ATXN7: variants seen among roughly 807,000 people sequenced by gnomAD.
ATXN7 encodes ataxin-7.
ATXN7 carries 12 observed loss-of-function variants against 70.5 expected under a neutral mutation model. That is an observed-to-expected ratio of 0.17 (90% CI 0.11 to 0.28). ATXN7 has a LOEUF of 0.28. Among genes scored for constraint, ATXN7 ranks in the 10% least tolerant of loss-of-function variants. The pLI is 1.00. For synonymous variants in ATXN7, 498 were observed against 448.7 expected, an observed-to-expected ratio of 1.11 and a Z score of -1.39; for missense variants, 1,256 against 1,131.7, an observed-to-expected ratio of 1.11 and a Z score of -1.58.
intron 4 of ATXN7, among the ~76,000 whole-genome samples, chr3:63,944,053 T>G (rs2074815025): frequency 6.6e-6 from 1 of 152,160 alleles, no homozygotes; most frequent in Admixed American, 6.5e-5. Flanking sequence ...CTCCCTTGCA[T>G]GGCCTTCAGG....
intron 4 of ATXN7, among the ~76,000 whole-genome samples, chr3:63,934,849 TA>T (rs2074628361): frequency 6.6e-6 from 1 of 152,244 alleles, no homozygotes. Context: ...TGGGCTCAGA[TA>T]ATTCTTTATT....
At chr3:63,909,312 TC>T (rs1249498346) in intron 2 of ATXN7, among the ~76,000 whole-genome samples, 1 of 152,144 alleles carries the variant, frequency 6.6e-6, no homozygotes, top group Non-Finnish European at 1.5e-5. Context: ...ATGCCTATAA[TC>T]CCAACACTTT....
chr3:63,924,007 C>G (rs1427342119), intron 4 of ATXN7, among the ~76,000 whole-genome samples: 1 of 152,132 alleles, frequency 6.6e-6, no homozygotes, highest in Non-Finnish European at 1.5e-5. Flanking sequence ...GTTAAGATCA[C>G]TGGCTAATAT....
At chr3:63,990,679 C>G in intron 10 of ATXN7, 59 bp from the exon 11 acceptor site, 9 of 1,612,990 alleles carry the variant, frequency 5.6e-6, no homozygotes, top group Non-Finnish European at 7.6e-6. Context: ...GATCTAGAAC[C>G]CTGACTGGGC....
At chr3:63,910,815 C>A (rs1703986418) in intron 2 of ATXN7, among the ~76,000 whole-genome samples, 1 of 151,948 alleles carries the variant, frequency 6.6e-6, no homozygotes, top group Non-Finnish European at 1.5e-5. Context: ...CTAAATCTTT[C>A]TAAAATAAAA....
intron 4 of ATXN7, among the ~76,000 whole-genome samples, chr3:63,925,337 C>T (rs960282799): frequency 4.6e-5 from 7 of 152,072 alleles, no homozygotes; most frequent in East Asian, 3.9e-4. Context: ...GATCAGTACC[C>T]GCCTATGGCC....
intron 1 of ATXN7, among the ~76,000 whole-genome samples, chr3:63,896,615 G>A (rs1308962954): frequency 6.6e-6 from 1 of 152,124 alleles, no homozygotes; most frequent in Admixed American, 6.5e-5. Context: ...TGAACACAGG[G>A]TTATTGGAAG....
At chr3:63,909,290 G>C (rs757849779) in intron 2 of ATXN7, among the ~76,000 whole-genome samples, 38 of 152,310 alleles carry the variant, frequency 2.5e-4, no homozygotes, top group Middle Eastern at 3.4e-3. Context: ...TATTGGCCTG[G>C]TGTGGTGGCT....
Position 63,944,753 on chromosome 3 carries a change from G to GT in ATXN7, c.395-7617dup, listed in dbSNP as rs201149195. 1.7e-3 allele frequency among the ~76,000 whole-genome samples: 263 copies of GT among 150,936 alleles called. 1 individual carries two copies. Among genetic ancestry groups the GT allele is most frequent in the African/African-American group, 5.2e-3 (215 of 41,130 alleles). ...AATGTGGATCAATTTTGTGAGTTAT[G>GT]TTTTTTTTTGTTTTTTGTTAGTTTT... On this transcript the variant is annotated intron_variant, in intron 4 of 12. Transcript: ENST00000674280.
intron 9 of ATXN7, 134 bp downstream of exon 9, chr3:63,988,458 A>C: frequency 8.0e-7 from 1 of 1,252,954 alleles, no homozygotes; most frequent in Non-Finnish European, 1.1e-6. Flanking sequence ...AAGGAGTTTT[A>C]CTATGAAAAA....
intron 1 of ATXN7, among the ~76,000 whole-genome samples, chr3:63,869,216 T>G (rs953043361): frequency 6.6e-6 from 1 of 152,232 alleles, no homozygotes; most frequent in Non-Finnish European, 1.5e-5. Context: ...ATGGCCTTGA[T>G]TCTCATTTCC....
chr3:63,976,500 T>C (rs754167468), intron 5 of ATXN7, among the ~76,000 whole-genome samples: 1 of 152,222 alleles, frequency 6.6e-6, no homozygotes, highest in Non-Finnish European at 1.5e-5. Context: ...TAGTTTTTAT[T>C]GTTATTGAAG....
intron 8 of ATXN7, among the ~76,000 whole-genome samples, chr3:63,986,761 T>C (rs1218317058): frequency 6.6e-6 from 1 of 152,166 alleles, no homozygotes; most frequent in African/African-American, 2.4e-5. Context: ...TAGTTTGCAG[T>C]GTGTCTCGTA....
At chr3:63,967,220 CTT>C (rs2075240358) in intron 5 of ATXN7, among the ~76,000 whole-genome samples, 3 of 152,098 alleles carry the variant, frequency 2.0e-5, no homozygotes, top group Non-Finnish European at 4.4e-5. Context: ...GAGAGAAATT[CTT>C]GGATTTAAAA....
chr3:63,980,439 C>G, intron 6 of ATXN7: 1 of 456,788 alleles, frequency 2.2e-6, no homozygotes, highest in Non-Finnish European at 4.0e-6. Context: ...TACTATGTCA[C>G]TTATCACAAC....
intron 5 of ATXN7, among the ~76,000 whole-genome samples, chr3:63,970,255 T>C (rs1038615862): frequency 6.6e-6 from 1 of 152,176 alleles, no homozygotes; most frequent in Non-Finnish European, 1.5e-5. Flanking sequence ...CTAAGTGTTG[T>C]GTGTATGCAT....
chr3:63,881,742 C>T (rs866360775), intron 1 of ATXN7, among the ~76,000 whole-genome samples: 1 of 152,156 alleles, frequency 6.6e-6, no homozygotes. Flanking sequence ...CCCGCCTTGG[C>T]GTCCCAGAGT....
At chr3:63,882,009 C>T (rs548409046) in intron 1 of ATXN7, among the ~76,000 whole-genome samples, 12 of 152,350 alleles carry the variant, frequency 7.9e-5, no homozygotes, top group Middle Eastern at 3.4e-3. Flanking sequence ...GCCCTTCTCT[C>T]AGTTTGCATC....
intron 12 of ATXN7, 165 bp downstream of exon 12, chr3:63,996,648 C>T (rs1401910393): frequency 1.0e-5 from 9 of 881,776 alleles, no homozygotes; most frequent in South Asian, 8.3e-5. Flanking sequence ...AAAAGGTTCA[C>T]GGCCGTATGA....
Sources: allele counts gnomAD v4.1 joint callset (sites outside exome capture counted in the v4.1 genomes callset), GRCh38; gene constraint gnomAD v4.1.1; transcripts MANE v1.5; gene names NCBI Gene and HGNC (gene_info 2026-07-23, HGNC 2026-07-21).